The following NFAT5 variants were observed in gnomAD, a reference collection of about 807,000 sequenced individuals.
NFAT5 encodes nuclear factor of activated T cells 5, also known as nuclear factor of activated T-cells 5.
A neutral mutation model predicts 166.5 loss-of-function variants in NFAT5; 31 were observed. The ratio of observed to expected loss-of-function variants is 0.19; its 90% CI spans 0.14 to 0.25. NFAT5 has a LOEUF of 0.25. Ranked by LOEUF, NFAT5 falls within the 10% of genes least tolerant of loss-of-function variation. The probability of loss-of-function intolerance (pLI) is 1.00; values close to 1 mark genes in which losing one functional copy is unlikely to be tolerated. For synonymous variants in NFAT5, 612 were observed against 639.7 expected, an observed-to-expected ratio of 0.96 and a Z score of 0.65; for missense variants, 1,449 against 1,821.8, an observed-to-expected ratio of 0.80 and a Z score of 3.72.
At chr16:69,642,973 G>A (rs144407466) in intron 3 of NFAT5, among the ~76,000 whole-genome samples, 1,836 of 151,970 alleles carry the variant, frequency 0.012, 33 homozygotes, top group African/African-American at 0.037. Flanking sequence ...ATCTCAGCAC[G>A]TCAGGAGGCC....
intron 2 of NFAT5, among the ~76,000 whole-genome samples, chr16:69,599,192 T>C (rs780728269): frequency 1.2e-4 from 18 of 145,734 alleles, no homozygotes; most frequent in Non-Finnish European, 2.2e-4. Context: ...GTAGTAGTAA[T>C]GACTACATAA....
At chr16:69,614,737 G>A (rs2033860111) in intron 2 of NFAT5, among the ~76,000 whole-genome samples, 2 of 152,108 alleles carry the variant, frequency 1.3e-5, no homozygotes, top group South Asian at 4.2e-4. Context: ...TTTGGGTTTT[G>A]CAAATTGTCC....
intron 7 of NFAT5, 45 bp from the exon 8 acceptor site, chr16:69,669,932 A>C (rs780558798): frequency 1.3e-6 from 2 of 1,498,364 alleles, no homozygotes; most frequent in South Asian, 2.8e-5. Context: ...GGTAAGAAAT[A>C]AGTTTTGGTG....
At chr16:69,662,354 T>TG (rs2036180550) in intron 7 of NFAT5, among the ~76,000 whole-genome samples, 1 of 152,064 alleles carries the variant, frequency 6.6e-6, no homozygotes. Flanking sequence ...ATGATTCTTT[T>TG]GGGGGAAATA....
chr16:69,636,191 G>C (rs2151599477), intron 3 of NFAT5, among the ~76,000 whole-genome samples: 1 of 152,292 alleles, frequency 6.6e-6, no homozygotes, highest in East Asian at 1.9e-4. Context: ...TTGAATCCAG[G>C]TCTCATAACC....
rs1373053210 is a variant in NFAT5 at position 69,590,927 on chromosome 16, C to T, written c.127+22379C>T. ...TGAGAGGCTGTATCATTTTATTTCC[C>T]AAATTGTATTTTCTTTTTTCTTGAG... On this transcript the variant is annotated intron_variant, in intron 2 of 14. Coordinates refer to ENST00000349945, the MANE Select transcript of NFAT5 (RefSeq NM_138713.4). Among the ~76,000 whole-genome samples, 6 of 152,042 alleles carry T rather than the reference C, an allele frequency of 3.9e-5. No homozygotes were observed. The East Asian group carries it at 1.2e-3, about 29-fold the overall frequency.
chr16:69,577,253 G>A (rs1212972436), intron 2 of NFAT5, among the ~76,000 whole-genome samples: 1 of 152,110 alleles, frequency 6.6e-6, no homozygotes, highest in Non-Finnish European at 1.5e-5. Context: ...ATTGTAAATT[G>A]TAGTTTAGAA....
At chr16:69,648,388 T>C (rs2035536358) in intron 4 of NFAT5, 2 of 981,242 alleles carry the variant, frequency 2.0e-6, no homozygotes, top group South Asian at 9.4e-5. Flanking sequence ...TCTCATCATT[T>C]AGATTCATGT....
chr16:69,602,087 C>G (rs2033159255), intron 2 of NFAT5, among the ~76,000 whole-genome samples: 2 of 151,412 alleles, frequency 1.3e-5, no homozygotes, highest in Admixed American at 1.3e-4. Context: ...CTTCAGTTTT[C>G]CAGTCTATTA....
chr16:69,567,557 C>T (rs2016139880), intron 1 of NFAT5, among the ~76,000 whole-genome samples: 1 of 152,198 alleles, frequency 6.6e-6, no homozygotes. Flanking sequence ...AGGGACTTCA[C>T]CTTCCTACTA....
chr16:69,584,054 A>T (rs1316536929), intron 2 of NFAT5, among the ~76,000 whole-genome samples: 1 of 151,966 alleles, frequency 6.6e-6, no homozygotes, highest in African/African-American at 2.4e-5. Context: ...ATGAAACCTC[A>T]TCTCTACTAA....
In NFAT5 at chr16:69,566,410, G is replaced by T; in HGVS notation, c.73+36G>T. 2 of 1,209,366 alleles carry T rather than the reference G, an allele frequency of 1.7e-6. No homozygotes were observed. The highest frequency in any genetic ancestry group is 2.4e-5 in the East Asian group (1 of 41,082). 74.9% of individuals were successfully genotyped at this position (1,209,366 alleles called of 1,614,324 possible). A position where few individuals can be genotyped will look rare whatever the true frequency, so the allele number is the denominator to read the frequency against. ...CTGTGGGGGGTGGGGCGTGGGGGCG[G>T]GGAGACAGGGAGACAGGGAGACAGG... On this transcript the variant is annotated intron_variant, in intron 1 of 14. Transcript: ENST00000349945. This position sits in a 1 kb window ranked among gnomAD's most constrained non-coding sequence, Gnocchi z 5.7.
chr16:69,621,962 CAAATA>C (rs147565539), intron 2 of NFAT5, among the ~76,000 whole-genome samples: 54,707 of 150,752 alleles, frequency 0.36, 10,855 homozygotes, highest in African/African-American at 0.52. Context: ...GACCCTGACT[CAAATA>C]AAATAAAATA....
rs1320457753 is a variant in NFAT5, at chr16:69,700,265, T to C, written c.*3914T>C. 1.3e-5 allele frequency: 2 copies of C among 152,116 alleles called. No homozygotes were observed. The highest frequency in any genetic ancestry group is 2.4e-5 in the African/African-American group (1 of 41,414). The allele number at this position is 152,116 out of a possible 1,614,324, so 9.4% of individuals were successfully genotyped here. On this transcript the variant is annotated 3_prime_UTR_variant, in exon 15 of 15. Transcript: ENST00000349945. ...ATTTTTTGTAATATCACATGTGCTG[T>C]AGTTTGGAATTTTATTCTAGTGCAT...
In NFAT5 at chr16:69,696,505, T is replaced by C. The variant is rs533496459; in HGVS notation, c.*154T>C. On this transcript the variant is annotated 3_prime_UTR_variant, in exon 15 of 15. Coordinates refer to ENST00000349945, the MANE Select transcript of NFAT5 (RefSeq NM_138713.4). ...TACTCTGACTGCAAAAGAGCACACCTATGCTGCTTGTTGCAGTAACTAACC... is the reference window on the plus strand; with the variant it reads ...TACTCTGACTGCAAAAGAGCACACCCATGCTGCTTGTTGCAGTAACTAACC... 8 of 152,772 alleles carry C rather than the reference T, an allele frequency of 5.2e-5. No homozygotes were observed. The East Asian group carries it at 1.5e-3, about 29-fold the overall frequency. The allele number at this position is 152,772 out of a possible 1,614,324, so 9.5% of individuals were successfully genotyped here.
In NFAT5 at chr16:69,693,717, G is replaced by T. The variant is rs771597579; in HGVS notation, c.3892G>T (p.Ala1298Ser). The T allele has an allele frequency of 4.8e-5, 78 of 1,614,066 alleles. No homozygotes were observed. The highest frequency in any genetic ancestry group is 6.4e-5 in the Non-Finnish European group (76 of 1,180,044). The change falls in exon 13 of 15, where the codon GCG becomes TCG. Residue 1298 changes from alanine to serine, a missense_variant. Ala to Ser is a moderately conservative substitution (Grantham distance 99). Around this residue, in one of 7 missense-constraint regions of NFAT5, gnomAD observed 891 missense variants for 993.0 expected, o/e 0.90. Transcript: ENST00000349945. ...FSNQNTMATM[A>S]SPKQPPPNMI... is the part of the protein sequence containing the mutation. ...TAATCAGAATACCATGGCTACAATGGCGTCTCCAAAGCAACCACCACCAAA... is the reference window on the plus strand; with the variant it reads ...TAATCAGAATACCATGGCTACAATGTCGTCTCCAAAGCAACCACCACCAAA...
chr16:69,585,003 A>AT (rs1428744831), intron 2 of NFAT5, among the ~76,000 whole-genome samples: 1 of 151,858 alleles, frequency 6.6e-6, no homozygotes, highest in Non-Finnish European at 1.5e-5. Flanking sequence ...TTATGTTTTT[A>AT]TTTTTTATTT....
intron 2 of NFAT5, among the ~76,000 whole-genome samples, chr16:69,585,429 A>T (rs2031992582): frequency 6.6e-6 from 1 of 152,134 alleles, no homozygotes; most frequent in South Asian, 2.1e-4. Flanking sequence ...CCCCCAAAAA[A>T]GTTAAACATA....
intron 2 of NFAT5, among the ~76,000 whole-genome samples, chr16:69,596,950 C>T (rs12447326): frequency 0.37 from 55,504 of 151,718 alleles, 11,143 homozygotes; most frequent in African/African-American, 0.53. Context: ...AGGTGGGAAA[C>T]AAAGAGGAGT....
Sources: allele counts gnomAD v4.1 joint callset (sites outside exome capture counted in the v4.1 genomes callset), GRCh38; gene constraint gnomAD v4.1.1; regional missense constraint gnomAD v4.1.1; non-coding constraint Gnocchi (gnomAD v3.1); transcripts MANE v1.5; gene names NCBI Gene and HGNC (gene_info 2026-07-23, HGNC 2026-07-21).